The following TPO variants were observed in gnomAD, a reference collection of about 807,000 sequenced individuals.
The protein encoded by TPO is thyroid peroxidase.
Under a neutral mutation model 96.9 loss-of-function variants are expected in TPO, and 78 were observed. The ratio of observed to expected loss-of-function variants is 0.81; its 90% CI spans 0.67 to 0.97. TPO has a LOEUF of 0.97. Ranked by LOEUF, TPO falls within the 50% of genes least tolerant of loss-of-function variation. The probability of loss-of-function intolerance (pLI) is 0.00; values close to 1 mark genes in which losing one functional copy is unlikely to be tolerated. For synonymous variants in TPO, 547 were observed against 538.0 expected (o/e 1.02, Z -0.23); for missense variants, 1,252 against 1,274.8 (o/e 0.98, Z 0.27).
chr2:1,528,390 G>C (rs1201923659), intron 15 of TPO, among the ~76,000 whole-genome samples: 6 of 100,262 alleles, frequency 6.0e-5, no homozygotes, highest in Non-Finnish European at 1.1e-4. Context: ...TCCCGCCACT[G>C]TGTGCAACCT....
At chr2:1,514,418 T>C (rs1015986792) in intron 14 of TPO, among the ~76,000 whole-genome samples, 1 of 152,250 alleles carries the variant, frequency 6.6e-6, no homozygotes, top group Non-Finnish European at 1.5e-5. Flanking sequence ...CATGTTATTC[T>C]GACCTGAATT....
chr2:1,514,207 T>TC (rs1674450622), intron 14 of TPO, among the ~76,000 whole-genome samples: 1 of 152,122 alleles, frequency 6.6e-6, no homozygotes, highest in South Asian at 2.1e-4. Flanking sequence ...AAGCCCTTTT[T>TC]CCTCCACTTC....
At chr2:1,527,409 A>C (rs1247653877) in intron 15 of TPO, among the ~76,000 whole-genome samples, 3 of 98,110 alleles carry the variant, frequency 3.1e-5, no homozygotes, top group East Asian at 4.0e-4. Flanking sequence ...CACTGTGTGC[A>C]ACCTCCTCAA....
intron 8 of TPO, among the ~76,000 whole-genome samples, chr2:1,480,559 T>TACACACACACAC (rs3036105): frequency 0.043 from 1,897 of 44,328 alleles, 150 homozygotes; most frequent in African/African-American, 0.051. Flanking sequence ...TCAAACCCCC[T>TACACACACACAC]ACACACACAC....
intron 4 of TPO, among the ~76,000 whole-genome samples, chr2:1,434,897 G>A (rs1665404518): frequency 6.6e-6 from 1 of 152,036 alleles, no homozygotes; most frequent in Admixed American, 6.6e-5. Context: ...CTTCATGTTG[G>A]TCTTGTGTGT....
intron 14 of TPO, among the ~76,000 whole-genome samples, chr2:1,506,784 G>A (rs944989014): frequency 6.6e-5 from 10 of 151,948 alleles, no homozygotes; most frequent in African/African-American, 2.2e-4. Context: ...CTGGATATTA[G>A]CCCTTTGTCA....
intron 3 of TPO, among the ~76,000 whole-genome samples, chr2:1,429,641 T>C (rs1664780361): frequency 6.6e-6 from 1 of 152,152 alleles, no homozygotes; most frequent in South Asian, 2.1e-4. Flanking sequence ...CAGGCTGACA[T>C]GGTCTCAGAT....
chr2:1,527,179 C>A (rs1676767174), intron 15 of TPO, among the ~76,000 whole-genome samples: 3 of 140,634 alleles, frequency 2.1e-5, no homozygotes, highest in Admixed American at 2.1e-4. Flanking sequence ...CCCTATCCCT[C>A]CCACTGTGTG....
intron 7 of TPO, among the ~76,000 whole-genome samples, chr2:1,459,237 C>T (rs1314283628): frequency 2.6e-5 from 4 of 151,896 alleles, no homozygotes; most frequent in East Asian, 3.9e-4. Context: ...CTGCAACCTC[C>T]GCCTCCCGGG....
Position 1,477,465 on chromosome 2 carries a change from T to TC in TPO, c.1203dup (p.Ser402LeufsTer70). 2 of 1,527,456 alleles carry TC rather than the reference T, an allele frequency of 1.3e-6. No homozygotes were observed. Among genetic ancestry groups the TC allele is most frequent in the Non-Finnish European group, 1.7e-6 (2 of 1,142,934 alleles). 94.6% of individuals were successfully genotyped at this position (1,527,456 alleles called of 1,614,324 possible). Reference sequence around the variant, plus strand: ...GCCGGAGACGGCCGCGCCAGCGAGGTCCCCTCCCTGACGGCACTGCACACG... The same window carrying TC: ...GCCGGAGACGGCCGCGCCAGCGAGGTCCCCCTCCCTGACGGCACTGCACACG... On this transcript the variant is annotated frameshift_variant, in exon 8 of 17. Coordinates refer to ENST00000329066, the MANE Select transcript of TPO (RefSeq NM_001206744.2). LOFTEE classifies it high-confidence loss of function.
rs201165648 is a variant in TPO, at chr2:1,484,729, G to A, written c.1472G>A (p.Arg491His). 8.9e-5 allele frequency: 143 copies of A among 1,614,046 alleles called. No homozygotes were observed. Among genetic ancestry groups the A allele is most frequent in the Admixed American group, 2.3e-4 (14 of 60,012 alleles). ...VSNVFSTAAF[R>H]FGHATIHPLV... ...AACGTGTTCTCCACAGCCGCCTTCC[G>A]CTTCGGCCATGCCACGATCCACCCG... The change falls in exon 9 of 17, where the codon CGC becomes CAC. Residue 491 changes from arginine to histidine, a missense_variant. Coordinates refer to ENST00000329066, the MANE Select transcript of TPO (RefSeq NM_001206744.2).
chr2:1,452,501 A>G (rs985954106), intron 5 of TPO, among the ~76,000 whole-genome samples: 2 of 152,198 alleles, frequency 1.3e-5, no homozygotes, highest in Admixed American at 6.6e-5. Context: ...TATAGATGAG[A>G]CAGTTCAGCA....
chr2:1,476,997 T>C lies in TPO; in HGVS notation c.820-89T>C, dbSNP rs1670008283. ...GGAGGGGCAGAGAAACGTGCGGCGCTGCGGGGTCGTCGCCGGCCTCGAACT... is the reference window on the plus strand; with the variant it reads ...GGAGGGGCAGAGAAACGTGCGGCGCCGCGGGGTCGTCGCCGGCCTCGAACT... On this transcript the variant is annotated intron_variant, in intron 7 of 16. Transcript: ENST00000329066. 6.8e-6 allele frequency: 10 copies of C among 1,479,662 alleles called. No homozygotes were observed. In the South Asian group the frequency reaches 7.9e-5, roughly 12 times the overall value. 91.7% of individuals were successfully genotyped at this position (1,479,662 alleles called of 1,614,324 possible). A position where few individuals can be genotyped will look rare whatever the true frequency, so the allele number is the denominator to read the frequency against.
chr2:1,507,409 A>G (rs544103702), intron 14 of TPO, among the ~76,000 whole-genome samples: 1 of 152,156 alleles, frequency 6.6e-6, no homozygotes, highest in African/African-American at 2.4e-5. Context: ...AGTTTTTTCC[A>G]ATTCTGTGAA....
At position 1,516,886 on chromosome 2, in the gene TPO, C is replaced by G; in HGVS notation, c.2522C>G (p.Ser841Cys). 6.2e-7 allele frequency: 1 copy of G among 1,613,948 alleles called. No individual in the cohort carries two copies. Among genetic ancestry groups the G allele is most frequent in the South Asian group, 1.1e-5 (1 of 91,082 alleles). The change falls in exon 15 of 17, where the codon TCC becomes TGC. Residue 841 changes from serine to cysteine, a missense_variant. By Grantham distance (112) the Ser-to-Cys change is moderately radical. Coordinates refer to ENST00000329066, the MANE Select transcript of TPO (RefSeq NM_001206744.2). ...CAGGCCTCTTTCTGTGCCCCAGACT[C>G]CGGGAGGCTCCCTCGGGTGACTTGG... ...LGDDGRTCVD[S>C]GRLPRVTWIS...
At chr2:1,374,416 GTTTTCC>G (rs1316132736) in intron 1 of TPO, 2 of 152,138 alleles carry the variant, frequency 1.3e-5, no homozygotes, top group African/African-American at 2.4e-5. Context: ...GGATCTCTGT[GTTTTCC>G]TTTTCCTTTT....
chr2:1,505,237 T>A (rs1235582465), intron 14 of TPO, among the ~76,000 whole-genome samples: 1 of 149,712 alleles, frequency 6.7e-6, no homozygotes, highest in African/African-American at 2.5e-5. Flanking sequence ...GTGTCAGGCA[T>A]ACACCCCCTT....
chr2:1,432,348 C>T (rs1665064126), intron 3 of TPO, among the ~76,000 whole-genome samples: 1 of 152,256 alleles, frequency 6.6e-6, no homozygotes, highest in African/African-American at 2.4e-5. Flanking sequence ...GCTTTCTCTC[C>T]AGGTTCCCCA....
intron 7 of TPO, among the ~76,000 whole-genome samples, chr2:1,475,969 G>GTGCC (rs923633295): frequency 8.5e-5 from 9 of 105,470 alleles, no homozygotes; most frequent in Non-Finnish European, 1.3e-4. Flanking sequence ...TGCACCTCCT[G>GTGCC]TGCCTGGGTC....
Sources: allele counts gnomAD v4.1 joint callset (sites outside exome capture counted in the v4.1 genomes callset), GRCh38; gene constraint gnomAD v4.1.1; transcripts MANE v1.5; gene names NCBI Gene and HGNC (gene_info 2026-07-23, HGNC 2026-07-21).